The following RRP12 variants were observed in gnomAD, a reference collection of about 807,000 sequenced individuals.
The protein encoded by RRP12 is RRP12-like protein.
A neutral mutation model predicts 157.3 loss-of-function variants in RRP12; 78 were observed. That is an observed-to-expected ratio of 0.50 (90% confidence interval 0.41 to 0.60). The LOEUF is 0.60. RRP12 is among the 20% of genes least tolerant of loss of function. The pLI, the probability that RRP12 is intolerant of heterozygous loss-of-function variation, is 0.00. For missense variants in RRP12, 1,521 were observed against 1,679.9 expected, an observed-to-expected ratio of 0.91 and a Z score of 1.65; for synonymous variants, 726 against 670.9, an observed-to-expected ratio of 1.08 and a Z score of -1.27.
intron 6 of RRP12, among the ~76,000 whole-genome samples, chr10:97,389,490 A>C (rs1315842674): frequency 6.6e-6 from 1 of 152,138 alleles, no homozygotes; most frequent in Non-Finnish European, 1.5e-5. Context: ...TCATGTGAGC[A>C]CCGAGGGAAG....
chr10:97,390,909 G>C (rs548036127), intron 4 of RRP12, 65 bp from the exon 5 acceptor site: 3 of 1,086,378 alleles, frequency 2.8e-6, no homozygotes, highest in Non-Finnish European at 4.3e-6. Context: ...GCAGCCCCTC[G>C]TGGTACTAAG....
chr10:97,380,785 C>A lies in RRP12; in HGVS notation c.1533+14G>T, dbSNP rs756209414. On this transcript the variant is annotated intron_variant, in intron 13 of 33. Coordinates refer to ENST00000370992, the MANE Select transcript of RRP12 (RefSeq NM_015179.4). ...CACCACTTCCTGCCCTGGCCCCAGC[C>A]GCTCCCCACTCACCTTCCTCATCAC... 2 of 1,595,992 alleles carry A rather than the reference C, an allele frequency of 1.3e-6. No homozygotes were observed. The highest frequency in any genetic ancestry group is 3.3e-5 in the Admixed American group (2 of 60,008).
intron 15 of RRP12, among the ~76,000 whole-genome samples, chr10:97,377,001 T>C (rs1001238092): frequency 2.0e-5 from 3 of 151,256 alleles, no homozygotes; most frequent in Admixed American, 6.6e-5. Flanking sequence ...TGCCTCAGCC[T>C]CCCGAGTAGG....
In RRP12 at chr10:97,396,281, A is replaced by G. The variant is rs750069159; in HGVS notation, c.390T>C (p.Ala130=). Residue 130 remains alanine (A), a synonymous_variant, in exon 3 of 34, where the codon GCT becomes GCC. Transcript: ENST00000370992. The part of the protein sequence containing the change: ...AHKEICAVLA[A]VTEVIRSQGG... ...CCTGGGAGCGAATCACCTCAGTGAC[A>G]GCAGCCAGAACAGCACAGATCTGCA... The G allele has an allele frequency of 1.2e-6, 2 of 1,613,860 alleles. No individual in the cohort carries two copies. Among genetic ancestry groups the G allele is most frequent in the Non-Finnish European group, 1.7e-6 (2 of 1,179,802 alleles).
At chr10:97,362,850 G>A (rs1212813463) in intron 30 of RRP12, among the ~76,000 whole-genome samples, 1 of 152,186 alleles carries the variant, frequency 6.6e-6, no homozygotes, top group Non-Finnish European at 1.5e-5. Flanking sequence ...TGGGCAGATG[G>A]ACACTTGGCA....
intron 10 of RRP12, among the ~76,000 whole-genome samples, chr10:97,382,857 G>A (rs758066549): frequency 3.3e-5 from 5 of 151,890 alleles, no homozygotes; most frequent in Admixed American, 6.6e-5. Context: ...CACCCCAGAG[G>A]TTCAAGCGAT....
chr10:97,360,694 A>G, intron 30 of RRP12, 76 bp from the exon 31 acceptor site: 1 of 1,082,198 alleles, frequency 9.2e-7, no homozygotes. Flanking sequence ...CAGTAACAGC[A>G]GAGTACCCTG....
chr10:97,382,033 T>C (rs1284269335), intron 10 of RRP12, among the ~76,000 whole-genome samples: 1 of 152,216 alleles, frequency 6.6e-6, no homozygotes, highest in Admixed American at 6.5e-5. Context: ...CAAACAGGTC[T>C]TCAAGGTGTA....
In RRP12 at chr10:97,381,399, C is replaced by T. The variant is rs1261609809; in HGVS notation, c.1405G>A (p.Ala469Thr). 6.2e-7 allele frequency: 1 copy of T among 1,610,474 alleles called. No individual in the cohort carries two copies. The highest frequency in any genetic ancestry group is 8.5e-7 in the Non-Finnish European group (1 of 1,178,640). Residue 469 changes from alanine (A) to threonine (T), a missense_variant, in exon 12 of 34, where the codon GCC becomes ACC. By Grantham distance (58) the Ala-to-Thr change is moderately conservative (BLOSUM62 0). Transcript: ENST00000370992. The stretch of plus-strand genomic sequence containing the variant: ...CCATATCCTCACCTGAACATCTTGG[C>T]AACAGATTGGGCAGGGCCTGAGGCC... ...SSASGPAQSV[A>T]KMFRAVEEGL...
chr10:97,367,935 C>T (rs572852473), intron 25 of RRP12, among the ~76,000 whole-genome samples: 48 of 152,082 alleles, frequency 3.2e-4, no homozygotes, highest in African/African-American at 1.1e-3. Context: ...TTTTACCATA[C>T]TGGCCAGGCT....
chr10:97,372,758 G>T lies in RRP12; in HGVS notation c.2227C>A (p.Pro743Thr), dbSNP rs944369981. The part of the protein sequence containing the change: ...LEKASEKVLD[P>T]ASSDFTRLSV... ...TACCTGGTAAAGTCAGAGCTGGCAG[G>T]GTCGAGCACCTTCTCACTGGCTTTT... is the stretch of plus-strand genomic sequence containing the variant. Residue 743 changes from proline (P) to threonine (T), a missense_variant, in exon 19 of 34, where the codon CCT becomes ACT. Physicochemically the swap from Pro to Thr is conservative, Grantham distance 38 (BLOSUM62 -1). Transcript: ENST00000370992. 1.2e-5 allele frequency: 18 copies of T among 1,562,632 alleles called. No individual in the cohort carries two copies. Among genetic ancestry groups the T allele is most frequent in the Middle Eastern group, 1.7e-4 (1 of 5,972 alleles).
intron 29 of RRP12, among the ~76,000 whole-genome samples, chr10:97,364,731 G>A (rs1257550541): frequency 6.6e-6 from 1 of 152,170 alleles, no homozygotes; most frequent in Non-Finnish European, 1.5e-5. Flanking sequence ...GAAAGCACAT[G>A]ACCAAGGGCT....
intron 6 of RRP12, among the ~76,000 whole-genome samples, chr10:97,390,205 A>G (rs1221091062): frequency 6.6e-6 from 1 of 152,204 alleles, no homozygotes; most frequent in African/African-American, 2.4e-5. Context: ...CTGATGAGGC[A>G]CCAGAGACTC....
chr10:97,390,900 C>T, intron 4 of RRP12, 56 bp from the exon 5 acceptor site: 2 of 1,175,200 alleles, frequency 1.7e-6, no homozygotes, highest in Non-Finnish European at 2.6e-6. Flanking sequence ...GCAGCTGGTG[C>T]AGCCCCTCGT....
At chr10:97,388,193 G>C in intron 8 of RRP12, 59 bp downstream of exon 8, 2 of 1,607,958 alleles carry the variant, frequency 1.2e-6, no homozygotes, top group Non-Finnish European at 1.7e-6. Flanking sequence ...TGACCAGTGA[G>C]TTCCCCAAAT....
At chr10:97,395,869 A>G (rs1206500143) in intron 3 of RRP12, among the ~76,000 whole-genome samples, 2 of 150,594 alleles carry the variant, frequency 1.3e-5, no homozygotes, top group African/African-American at 4.9e-5. Context: ...AAAAAAAAAA[A>G]GTAATAAGTA....
intron 8 of RRP12, 137 bp downstream of exon 8, chr10:97,388,115 A>G (rs1347402582): frequency 1.3e-5 from 14 of 1,113,364 alleles, no homozygotes; most frequent in African/African-American, 3.2e-5. Context: ...CCACAGAGTA[A>G]CGTAGTGCTG....
intron 2 of RRP12, among the ~76,000 whole-genome samples, chr10:97,399,204 C>T (rs1589445453): frequency 1.3e-5 from 2 of 152,030 alleles, no homozygotes; most frequent in Admixed American, 6.6e-5. Flanking sequence ...ACCCAGGAGG[C>T]GGAGGTTGCA....
At chr10:97,362,827 C>T (rs1333031986) in intron 30 of RRP12, among the ~76,000 whole-genome samples, 1 of 152,200 alleles carries the variant, frequency 6.6e-6, no homozygotes, top group Non-Finnish European at 1.5e-5. Flanking sequence ...ACAAACTCCT[C>T]CTCGGGCCAC....
Sources: allele counts gnomAD v4.1 joint callset (sites outside exome capture counted in the v4.1 genomes callset), GRCh38; gene constraint gnomAD v4.1.1; transcripts MANE v1.5; gene names NCBI Gene and HGNC (gene_info 2026-07-23, HGNC 2026-07-21).